The following KPNA5 variants were observed in gnomAD, a reference collection of about 807,000 sequenced individuals.
The protein encoded by KPNA5 is karyopherin subunit alpha 5.
Under a neutral mutation model 71.3 loss-of-function variants are expected in KPNA5, and 46 were observed. That is an observed-to-expected ratio of 0.65 (90% confidence interval 0.51 to 0.83). KPNA5 has a LOEUF of 0.83. KPNA5 is among the 40% of genes least tolerant of loss of function. The pLI, the probability that KPNA5 is intolerant of heterozygous loss-of-function variation, is 0.00. For missense variants in KPNA5, 547 were observed against 628.3 expected, an observed-to-expected ratio of 0.87 and a Z score of 1.38; for synonymous variants, 207 against 201.4, an observed-to-expected ratio of 1.03 and a Z score of -0.24.
Position 116,732,818 on chromosome 6 carries a change from G to A in KPNA5, c.*495G>A, listed in dbSNP as rs894514353. The A allele has an allele frequency of 6.6e-5, 10 of 151,852 alleles. No homozygotes were observed. Among genetic ancestry groups the A allele is most frequent in the African/African-American group, 2.2e-4 (9 of 41,398 alleles). 9.4% of individuals were successfully genotyped at this position (151,852 alleles called of 1,614,324 possible). The stretch of plus-strand genomic sequence containing the variant: ...ATGAAATAATGCAAATGCTAAATTA[G>A]AATGTGAAAATATTTATTACCTTAA... On this transcript the variant is annotated 3_prime_UTR_variant, in exon 14 of 14. Coordinates refer to ENST00000368564, the MANE Select transcript of KPNA5 (RefSeq NM_001366306.2).
In KPNA5 at chr6:116,724,306, T is replaced by C; in HGVS notation, c.930T>C (p.Asp310=). 6.2e-7 allele frequency: 1 copy of C among 1,604,220 alleles called. No individual in the cohort carries two copies. The highest frequency in any genetic ancestry group is 8.5e-7 in the Non-Finnish European group (1 of 1,171,794). Reference sequence around the variant, plus strand: ...TTTTTATTATTTTTAGGCACAATGATTATAAAGTTGTATCACCTGCATTAA... The same window carrying C: ...TTTTTATTATTTTTAGGCACAATGACTATAAAGTTGTATCACCTGCATTAA... ...RRLVELLMHN[D]YKVVSPALRA... Residue 310 remains aspartate, a synonymous_variant, in exon 10 of 14, where the codon GAT becomes GAC. Coordinates refer to ENST00000368564, the MANE Select transcript of KPNA5 (RefSeq NM_001366306.2).
rs183139784 is a variant in KPNA5, at chr6:116,737,076, A to G, written c.*4753A>G. ...GTATTTTTCATTTGCATGCGTTTAC[A>G]TGTTTGGATATTGAATTTCCCATAT... On this transcript the variant is annotated 3_prime_UTR_variant, in exon 14 of 14. Coordinates refer to ENST00000368564, the MANE Select transcript of KPNA5 (RefSeq NM_001366306.2). 1.3e-5 allele frequency: 2 copies of G among 151,914 alleles called. No individual in the cohort carries two copies. The highest frequency in any genetic ancestry group is 3.9e-4 in the East Asian group (2 of 5,166). The allele number at this position is 151,914 out of a possible 1,614,324, so 9.4% of individuals were successfully genotyped here.
At chr6:116,730,049 G>A (rs1240136682) in intron 13 of KPNA5, among the ~76,000 whole-genome samples, 3 of 137,946 alleles carry the variant, frequency 2.2e-5, no homozygotes, top group Non-Finnish European at 3.1e-5. Context: ...GCCACATAAT[G>A]TTATGTATAT....
At chr6:116,684,066 G>A (rs1001079112) in intron 1 of KPNA5, among the ~76,000 whole-genome samples, 13 of 151,604 alleles carry the variant, frequency 8.6e-5, no homozygotes, top group African/African-American at 2.2e-4. Context: ...GCTTCTACCA[G>A]CATGCCCAGC....
rs571696615 is a variant in KPNA5 at position 116,735,367 on chromosome 6, T to A, written c.*3044T>A. ...AGTGAATTTTTGTTATGGTTCTCAA[T>A]TCAGCAATCTACTGGCTGCTTGCGA... On this transcript the variant is annotated 3_prime_UTR_variant, in exon 14 of 14. Coordinates refer to ENST00000368564, the MANE Select transcript of KPNA5 (RefSeq NM_001366306.2). 4 of 151,892 alleles carry A rather than the reference T, an allele frequency of 2.6e-5. No individual in the cohort carries two copies. The South Asian group carries it at 8.3e-4, about 31-fold the overall frequency. The allele number at this position is 151,892 out of a possible 1,614,324, so 9.4% of individuals were successfully genotyped here. A position where few individuals can be genotyped will look rare whatever the true frequency, so the allele number is the denominator to read the frequency against.
intron 2 of KPNA5, among the ~76,000 whole-genome samples, chr6:116,691,838 G>A (rs1011001320): frequency 3.9e-5 from 6 of 152,172 alleles, no homozygotes; most frequent in Admixed American, 3.9e-4. Context: ...GTGACGTGAA[G>A]TAGTCTGTGC....
chr6:116,686,982 C>G (rs1259239729), intron 1 of KPNA5, among the ~76,000 whole-genome samples: 21 of 152,122 alleles, frequency 1.4e-4, no homozygotes, highest in Non-Finnish European at 3.1e-4. Context: ...CAACTTTGTT[C>G]TTTTTGCTTA....
At chr6:116,692,492 T>G (rs1356330568) in intron 4 of KPNA5, 100 bp downstream of exon 4, 1 of 732,312 alleles carries the variant, frequency 1.4e-6, no homozygotes, top group East Asian at 2.8e-5. Context: ...CTTTCTTTGC[T>G]AGACACAGGT....
At chr6:116,710,893 ATT>A (rs67301038) in intron 7 of KPNA5, among the ~76,000 whole-genome samples, 1,237 of 86,556 alleles carry the variant, frequency 0.014, 12 homozygotes, top group African/African-American at 0.024. Flanking sequence ...ATATATATAT[ATT>A]TTTTTTTTTT....
At position 116,736,023 on chromosome 6, in the gene KPNA5, A is replaced by C. The variant is rs1202946363; in HGVS notation, c.*3700A>C. The C allele has an allele frequency of 6.6e-6, 1 of 151,848 alleles. No homozygotes were observed. Among genetic ancestry groups the C allele is most frequent in the Non-Finnish European group, 1.5e-5 (1 of 67,830 alleles). 9.4% of individuals were successfully genotyped at this position (151,848 alleles called of 1,614,324 possible). ...AGATATACCATGCTATCACAAATCA[A>C]AAGTAAGTTGGGGTGGCCATATAAT... is the stretch of plus-strand genomic sequence containing the variant. On this transcript the variant is annotated 3_prime_UTR_variant, in exon 14 of 14. Transcript: ENST00000368564.
chr6:116,741,753 A>C lies in KPNA5; in HGVS notation c.*9430A>C, dbSNP rs1779877989. On this transcript the variant is annotated 3_prime_UTR_variant, in exon 14 of 14. Transcript: ENST00000368564. Reference sequence around the variant, plus strand: ...AACAACAAAAAAGCGGTGACAGGAAACAGTTAAGGAAATGATTTAACTGAA... The same window carrying C: ...AACAACAAAAAAGCGGTGACAGGAACCAGTTAAGGAAATGATTTAACTGAA... 6.6e-6 allele frequency: 1 copy of C among 152,344 alleles called. No homozygotes were observed. The highest frequency in any genetic ancestry group is 2.4e-5 in the African/African-American group (1 of 41,460). The allele number at this position is 152,344 out of a possible 1,614,324, so 9.4% of individuals were successfully genotyped here. A position where few individuals can be genotyped will look rare whatever the true frequency, so the allele number is the denominator to read the frequency against.
intron 7 of KPNA5, among the ~76,000 whole-genome samples, chr6:116,712,187 C>T (rs1223128440): frequency 1.3e-5 from 2 of 152,102 alleles, no homozygotes; most frequent in Admixed American, 1.3e-4. Flanking sequence ...GCGATCTACC[C>T]ACCTTAGCCT....
intron 6 of KPNA5, among the ~76,000 whole-genome samples, chr6:116,703,006 A>T (rs532682787): frequency 6.6e-6 from 1 of 151,920 alleles, no homozygotes; most frequent in African/African-American, 2.4e-5. Flanking sequence ...TTTTATATAT[A>T]TTTTTTCAGT....
intron 12 of KPNA5, among the ~76,000 whole-genome samples, chr6:116,728,948 G>A (rs1036975086): frequency 6.6e-5 from 10 of 152,136 alleles, no homozygotes; most frequent in Admixed American, 5.3e-4. Flanking sequence ...AAAAGGACAT[G>A]CATTCAGAAA....
At chr6:116,731,910 A>G (rs991295360) in intron 13 of KPNA5, among the ~76,000 whole-genome samples, 3 of 151,494 alleles carry the variant, frequency 2.0e-5, no homozygotes, top group Non-Finnish European at 4.4e-5. Context: ...CCTTCTTCGT[A>G]TGACACTGCT....
chr6:116,689,956 A>G (rs1244179747), intron 2 of KPNA5, among the ~76,000 whole-genome samples: 1 of 152,252 alleles, frequency 6.6e-6, no homozygotes, highest in African/African-American at 2.4e-5. Flanking sequence ...AACATTTTTT[A>G]TTCCAAGATG....
intron 1 of KPNA5, among the ~76,000 whole-genome samples, chr6:116,683,424 C>T (rs1211286289): frequency 4.6e-5 from 7 of 151,964 alleles, no homozygotes; most frequent in African/African-American, 9.7e-5. Flanking sequence ...ATATATTGAG[C>T]GTAATTCAAC....
chr6:116,702,238 T>C (rs1778258754), intron 6 of KPNA5, 88 bp downstream of exon 6: 3 of 1,358,518 alleles, frequency 2.2e-6, no homozygotes, highest in Non-Finnish European at 3.0e-6. Flanking sequence ...TAATTCATTT[T>C]TGTTTCTAAT....
chr6:116,697,313 T>C (rs962230474), intron 4 of KPNA5, among the ~76,000 whole-genome samples: 3 of 152,136 alleles, frequency 2.0e-5, no homozygotes, highest in South Asian at 4.1e-4. Context: ...TCTTGAAGAA[T>C]TGGGGCTTTT....
Sources: allele counts gnomAD v4.1 joint callset (sites outside exome capture counted in the v4.1 genomes callset), GRCh38; gene constraint gnomAD v4.1.1; transcripts MANE v1.5; gene names NCBI Gene and HGNC (gene_info 2026-07-23, HGNC 2026-07-21).